Variants in ZNF687 observed in about 807,000 individuals in gnomAD.
ZNF687 encodes the protein zinc finger protein 687.
A neutral mutation model predicts 71.8 loss-of-function variants in ZNF687; 13 were observed. That is an observed-to-expected ratio of 0.18 (90% CI 0.12 to 0.29). The LOEUF (loss-of-function observed/expected upper bound fraction) is 0.29, where lower values mean the gene tolerates loss of function less well. Ranked by LOEUF, ZNF687 falls within the 10% of genes least tolerant of loss-of-function variation. ZNF687 has a pLI of 1.00. For missense variants in ZNF687, 1,412 were observed against 1,625.6 expected (o/e 0.87, Z 2.26); for synonymous variants, 673 against 641.6 (o/e 1.05, Z -0.74).
chr1:151,282,177 G>C, upstream of ZNF687: 1 of 1,130,500 alleles, frequency 8.8e-7, no homozygotes, highest in African/African-American at 1.6e-5. Context: ...CCAGTGCGGG[G>C]CTGGAAGGGG....
intron 7 of ZNF687, 93 bp from the exon 8 acceptor site, chr1:151,290,339 G>T (rs774115401): frequency 1.1e-5 from 18 of 1,610,472 alleles, no homozygotes; most frequent in Admixed American, 8.3e-5. Flanking sequence ...GATGGTTGGG[G>T]TCTCCCTCTG....
chr1:151,288,397 C>T lies in ZNF687; in HGVS notation c.2106C>T (p.Ala702=), dbSNP rs144082195. 71 of 1,604,222 alleles carry T rather than the reference C, an allele frequency of 4.4e-5. No individual in the cohort carries two copies. The African/African-American group carries it at 8.4e-4, about 19-fold the overall frequency. ...AGCTCGGCCCCCCTGCCCCTGGGGC[C>T]ACCAGCAATGTGAGTCACCTTTCAC... The part of the protein sequence containing the change: ...FQQLGPPAPG[A]TSNVCPTCPM... The change falls in exon 2 of 9, where the codon GCC becomes GCT. Residue 702 remains alanine, a synonymous_variant. Coordinates refer to ENST00000336715, the MANE Select transcript of ZNF687 (RefSeq NM_020832.3).
chr1:151,284,472 T>C (rs1557766569), intron 1 of ZNF687, among the ~76,000 whole-genome samples: 1 of 152,174 alleles, frequency 6.6e-6, no homozygotes, highest in Admixed American at 6.5e-5. Flanking sequence ...CTCTTTCTGT[T>C]CCTGTGTCTT....
At chr1:151,290,043 G>A in intron 6 of ZNF687, 36 bp downstream of exon 6, 2 of 1,604,196 alleles carry the variant, frequency 1.2e-6, no homozygotes, top group Non-Finnish European at 1.7e-6. Flanking sequence ...ATGGGCTGGG[G>A]GCAGCATTGG....
chr1:151,289,319 C>G, intron 4 of ZNF687, 48 bp downstream of exon 4: 3 of 1,612,582 alleles, frequency 1.9e-6, no homozygotes, highest in Non-Finnish European at 2.5e-6. Flanking sequence ...GCTGGTGGGG[C>G]GCAGGAGGGG....
chr1:151,289,832 A>C lies in ZNF687; in HGVS notation c.2789A>C (p.Glu930Ala). ...TCGTCTTCATCTTCAGAAGAGGAGG[A>C]AGTACCCAGCTCCCCTGAGCCCCCC... ...EESSSSSEEE[E>A]VPSSPEPPRP... is the part of the protein sequence containing the mutation. The change falls in exon 6 of 9, where the codon GAA becomes GCA. Residue 930 changes from glutamate (E) to alanine (A), a missense_variant. Physicochemically the swap from Glu to Ala is moderately radical, Grantham distance 107. Transcript: ENST00000336715. 1.9e-6 allele frequency: 3 copies of C among 1,569,592 alleles called. No homozygotes were observed. Among genetic ancestry groups the C allele is most frequent in the Non-Finnish European group, 2.6e-6 (3 of 1,156,718 alleles).
chr1:151,284,309 A>G, intron 1 of ZNF687: 1 of 976,060 alleles, frequency 1.0e-6, no homozygotes, highest in Non-Finnish European at 1.2e-6. Context: ...CAAGATGGGG[A>G]GGGGTGGAGA....
intron 1 of ZNF687, among the ~76,000 whole-genome samples, chr1:151,284,629 A>G (rs1248296061): frequency 6.6e-6 from 1 of 151,886 alleles, no homozygotes; most frequent in Non-Finnish European, 1.5e-5. Flanking sequence ...CCCCAGCCCT[A>G]GAGTTCCAGT....
intron 1 of ZNF687, chr1:151,283,202 G>A (rs1693799019): frequency 1.0e-6 from 1 of 985,272 alleles, no homozygotes; most frequent in Admixed American, 6.1e-5. Context: ...TGCTCCCCGC[G>A]CCAGCCCTCG....
In ZNF687 at chr1:151,287,688, A is replaced by G; in HGVS notation, c.1397A>G (p.Asn466Ser). The G allele has an allele frequency of 6.2e-7, 1 of 1,613,532 alleles. No homozygotes were observed. Among genetic ancestry groups the G allele is most frequent in the Non-Finnish European group, 8.5e-7 (1 of 1,179,796 alleles). ...AGLGTGGQKV[N>S]GASVVMVQPS... is the part of the protein sequence containing the mutation. Reference sequence around the variant, plus strand: ...CTGGGGACTGGGGGACAGAAGGTGAATGGTGCCTCGGTGGTGATGGTGCAA... The same window carrying G: ...CTGGGGACTGGGGGACAGAAGGTGAGTGGTGCCTCGGTGGTGATGGTGCAA... The change falls in exon 2 of 9, where the codon AAT becomes AGT. Residue 466 changes from asparagine to serine, a missense_variant. Around this residue, in one of 8 missense-constraint regions of ZNF687, gnomAD observed 133 missense variants for 155.1 expected, o/e 0.86. Transcript: ENST00000336715. This position sits in a 1 kb window ranked among gnomAD's most constrained non-coding sequence, Gnocchi z 5.0.
chr1:151,286,428 G>A lies in ZNF687; in HGVS notation c.137G>A (p.Gly46Asp), dbSNP rs998138220. ...GPGGPGKPEPGVGSESEDTAA... is the reference protein window; with the variant it reads ...GPGGPGKPEPDVGSESEDTAA... Reference sequence around the variant, plus strand: ...GGAGGCCCAGGGAAGCCAGAACCAGGTGTAGGAAGTGAATCTGAAGACACA... The same window carrying A: ...GGAGGCCCAGGGAAGCCAGAACCAGATGTAGGAAGTGAATCTGAAGACACA... Residue 46 changes from glycine (G) to aspartate (D), a missense_variant, in exon 2 of 9, where the codon GGT becomes GAT. Around this residue, in one of 8 missense-constraint regions of ZNF687, gnomAD observed 490 missense variants for 489.9 expected, o/e 1.00. Transcript: ENST00000336715. 5 of 1,613,796 alleles carry A rather than the reference G, an allele frequency of 3.1e-6. No individual in the cohort carries two copies. In the East Asian group the frequency reaches 6.7e-5, roughly 22 times the overall value.
chr1:151,288,604 C>T lies in ZNF687; in HGVS notation c.2192C>T (p.Pro731Leu), dbSNP rs587603005. 1.9e-6 allele frequency: 3 copies of T among 1,614,002 alleles called. No individual in the cohort carries two copies. Among genetic ancestry groups the T allele is most frequent in the African/African-American group, 1.3e-5 (1 of 74,902 alleles). Residue 731 changes from proline (P) to leucine (L), a missense_variant, in exon 3 of 9, where the codon CCC becomes CTC. By Grantham distance (98) the Pro-to-Leu change is moderately conservative (BLOSUM62 -3). This residue lies in a region of ZNF687 where 207 missense variants were observed against 239.2 expected (regional missense o/e 0.87). Transcript: ENST00000336715. ...SAHQRMHKNR[P>L]PHVCPECGGN... ...CACCAGCGCATGCATAAGAATCGAC[C>T]CCCCCATGTCTGTCCTGAGTGTGGG...
chr1:151,288,610 A>T lies in ZNF687; in HGVS notation c.2198A>T (p.His733Leu). 6.2e-7 allele frequency: 1 copy of T among 1,613,924 alleles called. No homozygotes were observed. Among genetic ancestry groups the T allele is most frequent in the Non-Finnish European group, 8.5e-7 (1 of 1,179,946 alleles). Residue 733 changes from histidine to leucine, a missense_variant, in exon 3 of 9, where the codon CAT (histidine) becomes CTT (leucine). Coordinates refer to ENST00000336715, the MANE Select transcript of ZNF687 (RefSeq NM_020832.3). ...HQRMHKNRPP[H>L]VCPECGGNFL... ...CGCATGCATAAGAATCGACCCCCCC[A>T]TGTCTGTCCTGAGTGTGGGGGCAAC...
chr1:151,282,652 C>G (rs1461462658), intron 1 of ZNF687, among the ~76,000 whole-genome samples: 1 of 152,192 alleles, frequency 6.6e-6, no homozygotes, highest in Non-Finnish European at 1.5e-5. Flanking sequence ...GCCCCCGGCT[C>G]GAGAGGCACC....
At chr1:151,285,195 T>G (rs1693889674) in intron 1 of ZNF687, 2 of 152,250 alleles carry the variant, frequency 1.3e-5, no homozygotes, top group African/African-American at 4.8e-5. Context: ...ATTGTCCCTT[T>G]GTACATGCAG....
chr1:151,289,618 G>T (rs937810284), intron 5 of ZNF687, 60 bp from the exon 6 acceptor site: 9 of 1,605,330 alleles, frequency 5.6e-6, no homozygotes, highest in Non-Finnish European at 7.7e-6. Flanking sequence ...CAGAAGTGGG[G>T]GGCTTTGGCA....
At position 151,291,320 on chromosome 1, in the gene ZNF687, C is replaced by T; in HGVS notation, c.*111C>T. 1 of 1,309,688 alleles carries T rather than the reference C, an allele frequency of 7.6e-7. No individual in the cohort carries two copies. The highest frequency in any genetic ancestry group is 1.0e-6 in the Non-Finnish European group (1 of 974,938). 81.1% of individuals were successfully genotyped at this position (1,309,688 alleles called of 1,614,324 possible). Reference sequence around the variant, plus strand: ...CATTAACATTAATATTTTGTTAATTCCTGTCTCTCCAACCTGAAGAAGAAG... The same window carrying T: ...CATTAACATTAATATTTTGTTAATTTCTGTCTCTCCAACCTGAAGAAGAAG... On this transcript the variant is annotated 3_prime_UTR_variant, in exon 9 of 9. Transcript: ENST00000336715.
Position 151,287,133 on chromosome 1 carries a change from G to A in ZNF687, c.842G>A (p.Cys281Tyr). 3 of 1,614,152 alleles carry A rather than the reference G, an allele frequency of 1.9e-6. No individual in the cohort carries two copies. The highest frequency in any genetic ancestry group is 1.7e-6 in the Non-Finnish European group (2 of 1,180,010). ...SPLASPKVPVCQPLKEEDDDE... is the reference protein window; with the variant it reads ...SPLASPKVPVYQPLKEEDDDE... ...CTTGCCTCCCCCAAAGTGCCCGTCT[G>A]TCAGCCCTTGAAGGAAGAAGATGAT... Residue 281 changes from cysteine (C) to tyrosine (Y), a missense_variant, in exon 2 of 9, where the codon TGT (cysteine) becomes TAT (tyrosine). Physicochemically the swap from Cys to Tyr is radical, Grantham distance 194 (BLOSUM62 -2). Around this residue, in one of 8 missense-constraint regions of ZNF687, gnomAD observed 490 missense variants for 489.9 expected, o/e 1.00. Coordinates refer to ENST00000336715, the MANE Select transcript of ZNF687 (RefSeq NM_020832.3). The surrounding 1 kb of genome is among the most constrained non-coding windows in gnomAD (Gnocchi z 5.0).
intron 1 of ZNF687, among the ~76,000 whole-genome samples, chr1:151,284,802 CTTTTTT>C (rs869269504): frequency 3.4e-4 from 19 of 56,428 alleles, no homozygotes; most frequent in African/African-American, 1.3e-3. Flanking sequence ...CTTGTCTTGT[CTTTTTT>C]TTTTTTTTTT....
Sources: gnomAD v4.1 joint callset for allele counts (sites outside exome capture counted in the v4.1 genomes callset) on GRCh38, gnomAD v4.1.1 for gene constraint, gnomAD v4.1.1 regional missense constraint, Gnocchi (gnomAD v3.1) non-coding constraint, MANE v1.5 for transcripts, NCBI Gene and HGNC (gene_info 2026-07-23, HGNC 2026-07-21) for gene names.